PI4KB: variants seen among roughly 807,000 people sequenced by gnomAD.
PI4KB encodes phosphatidylinositol 4-kinase beta.
PI4KB carries 23 observed loss-of-function variants against 81.4 expected under a neutral mutation model. The ratio of observed to expected loss-of-function variants is 0.28; its 90% CI spans 0.20 to 0.40. PI4KB has a LOEUF of 0.40. PI4KB is among the 10% of genes least tolerant of loss of function. The pLI is 1.00. For missense variants in PI4KB, 651 were observed against 1,036.6 expected, an observed-to-expected ratio of 0.63 and a Z score of 5.11; for synonymous variants, 381 against 406.8, an observed-to-expected ratio of 0.94 and a Z score of 0.76.
In PI4KB at chr1:151,308,095, A is replaced by G. The variant is rs185461971; in HGVS notation, c.955-294T>C. On this transcript the variant is annotated intron_variant, in intron 3 of 11. Transcript: ENST00000368873. ...TGGACTTGGGTTCCTTAAGGACTGT[A>G]CCAAGGCTTCAGAGTGAGCAGGGGG... 1.3e-3 allele frequency among the ~76,000 whole-genome samples: 194 copies of G among 152,338 alleles called. 2 individuals carry two copies. In the East Asian group the frequency reaches 0.03, roughly 23 times the overall value.
intron 6 of PI4KB, among the ~76,000 whole-genome samples, chr1:151,303,155 C>T (rs587619666): frequency 1.4e-4 from 21 of 151,844 alleles, no homozygotes; most frequent in Non-Finnish European, 2.6e-4. Context: ...TCCGCCACCA[C>T]GCCTGGCTAA....
At chr1:151,293,349 T>C (rs1448745529) in intron 11 of PI4KB, 8 of 1,351,854 alleles carry the variant, frequency 5.9e-6, no homozygotes, top group Non-Finnish European at 7.8e-6. Flanking sequence ...GGCCCTGAGC[T>C]GGGCACTTAT....
intron 1 of PI4KB, among the ~76,000 whole-genome samples, chr1:151,317,819 T>C (rs968360319): frequency 1.3e-5 from 2 of 151,994 alleles, no homozygotes; most frequent in African/African-American, 2.4e-5. Context: ...CCTTTATTTT[T>C]ATTTTTTAGA....
At chr1:151,293,642 G>T in intron 11 of PI4KB, 1 of 314,778 alleles carries the variant, frequency 3.2e-6, no homozygotes, top group Non-Finnish European at 6.2e-6. Context: ...CAGAGCTGAA[G>T]GGTGGCAGAG....
chr1:151,320,057 G>A (rs373767192), intron 1 of PI4KB, among the ~76,000 whole-genome samples: 1 of 151,910 alleles, frequency 6.6e-6, no homozygotes, highest in Non-Finnish European at 1.5e-5. Context: ...TTTTTGAGAC[G>A]GAGTCTCGCT....
intron 1 of PI4KB, among the ~76,000 whole-genome samples, chr1:151,316,807 A>C (rs1648017372): frequency 6.6e-6 from 1 of 150,888 alleles, no homozygotes; most frequent in Non-Finnish European, 1.5e-5. Context: ...TAGATTTACA[A>C]ATTCTTTTTG....
chr1:151,325,964 C>G (rs1649552377), intron 1 of PI4KB, among the ~76,000 whole-genome samples: 1 of 152,132 alleles, frequency 6.6e-6, no homozygotes, highest in Admixed American at 6.5e-5. Context: ...AATGTACAAG[C>G]TCTTTCCATT....
At chr1:151,293,887 A>T in intron 11 of PI4KB, 131 bp downstream of exon 11, 1 of 989,140 alleles carries the variant, frequency 1.0e-6, no homozygotes, top group Non-Finnish European at 1.5e-6. Context: ...GCACTGGACC[A>T]GAGCTAGAAA....
rs961868650 is a variant in PI4KB at position 151,306,097 on chromosome 1, C to T, written c.1410+39G>A. ...ATATAGTGAAAGCTCCTGGAGAAAG[C>T]TCCTGTGACCCAGCATTACCTCCCT... On this transcript the variant is annotated intron_variant, in intron 5 of 11. Transcript: ENST00000368873. 5.9e-6 allele frequency: 9 copies of T among 1,517,582 alleles called. No homozygotes were observed. The African/African-American group carries it at 1.1e-4, about 18-fold the overall frequency. 94.0% of individuals were successfully genotyped at this position (1,517,582 alleles called of 1,614,324 possible).
At position 151,316,499 on chromosome 1, in the gene PI4KB, G is replaced by C. The variant is rs752503894; in HGVS notation, c.-18C>G. On this transcript the variant is annotated 5_prime_UTR_variant, in exon 2 of 12. Transcript: ENST00000368873. ...TCTCCCATGGCCACAGCCAGACTTC[G>C]AGCTTCCAAGCTACAGGAAGAGGGA... is the stretch of plus-strand genomic sequence containing the variant. The C allele has an allele frequency of 2.6e-6, 4 of 1,510,200 alleles. No individual in the cohort carries two copies. Among genetic ancestry groups the C allele is most frequent in the East Asian group, 2.3e-5 (1 of 43,668 alleles). The allele number at this position is 1,510,200 out of a possible 1,614,324, so 93.5% of individuals were successfully genotyped here. A position where few individuals can be genotyped will look rare whatever the true frequency, so the allele number is the denominator to read the frequency against.
At chr1:151,308,122 C>T (rs1323643930) in intron 3 of PI4KB, among the ~76,000 whole-genome samples, 1 of 152,204 alleles carries the variant, frequency 6.6e-6, no homozygotes, top group East Asian at 1.9e-4. Flanking sequence ...AGCAGGGGGA[C>T]ATCTGGATAG....
chr1:151,327,703 A>C, upstream of PI4KB: 4 of 256,270 alleles, frequency 1.6e-5, no homozygotes, highest in Non-Finnish European at 2.9e-5. Context: ...CAGAAATAGA[A>C]AAGGGGGCGG....
At chr1:151,302,961 A>G (rs1013709681) in intron 6 of PI4KB, among the ~76,000 whole-genome samples, 1 of 147,738 alleles carries the variant, frequency 6.8e-6, no homozygotes, top group African/African-American at 2.5e-5. Context: ...ACCTTGAGAC[A>G]CACTGCTCAA....
At chr1:151,312,740 C>CTAG (rs879589251) in intron 2 of PI4KB, among the ~76,000 whole-genome samples, 1 of 152,190 alleles carries the variant, frequency 6.6e-6, no homozygotes, top group Non-Finnish European at 1.5e-5. Flanking sequence ...GGGGCTGGGT[C>CTAG]TAGTCACTCA....
At chr1:151,307,436 T>C (rs960309148) in intron 4 of PI4KB, 138 bp downstream of exon 4, 1 of 628,086 alleles carries the variant, frequency 1.6e-6, no homozygotes, top group Non-Finnish European at 2.9e-6. Context: ...GACAGAGTCA[T>C]GGTTGACATA....
intron 9 of PI4KB, among the ~76,000 whole-genome samples, chr1:151,297,434 T>C (rs1326545539): frequency 1.3e-5 from 2 of 148,156 alleles, no homozygotes; most frequent in Admixed American, 1.4e-4. Flanking sequence ...CTCCACCTCC[T>C]GGGTTCAAGC....
At chr1:151,293,753 A>C in intron 11 of PI4KB, 1 of 429,762 alleles carries the variant, frequency 2.3e-6, no homozygotes, top group Non-Finnish European at 4.2e-6. Flanking sequence ...AGGGACCAGG[A>C]GGCTGTAAAT....
chr1:151,320,268 C>T (rs1648655681), intron 1 of PI4KB, among the ~76,000 whole-genome samples: 1 of 152,124 alleles, frequency 6.6e-6, no homozygotes, highest in African/African-American at 2.4e-5. Context: ...TTCCTGACCT[C>T]GTGATCTGCC....
chr1:151,303,512 A>G (rs1457624362), intron 6 of PI4KB, 29 bp downstream of exon 6: 6 of 1,346,770 alleles, frequency 4.5e-6, no homozygotes, highest in Non-Finnish European at 6.4e-6. Context: ...GAGGGATGAA[A>G]AATGAGGGGC....
Sources: allele counts gnomAD v4.1 joint callset (sites outside exome capture counted in the v4.1 genomes callset), GRCh38; gene constraint gnomAD v4.1.1; transcripts MANE v1.5; gene names NCBI Gene and HGNC (gene_info 2026-07-23, HGNC 2026-07-21).